The following CNTN6 variants were observed in gnomAD, a reference collection of about 807,000 sequenced individuals.
The protein encoded by CNTN6 is contactin 6.
In CNTN6, 137 loss-of-function variants were observed where a neutral mutation model predicts 122.8. The observed-to-expected ratio is 1.12, with a 90% CI of 0.97 to 1.29. The LOEUF is 1.29. CNTN6 is among the 50% of genes most tolerant of loss of function. The pLI, the probability that CNTN6 is intolerant of heterozygous loss-of-function variation, is 0.00. For synonymous variants in CNTN6, 570 were observed against 426.0 expected, an observed-to-expected ratio of 1.34 and a Z score of -4.16; for missense variants, 1,634 against 1,223.4, an observed-to-expected ratio of 1.34 and a Z score of -5.01.
chr3:1,401,357 C>A, intron 20 of CNTN6, 76 bp from the exon 21 acceptor site: 5 of 1,146,826 alleles, frequency 4.4e-6, no homozygotes, highest in South Asian at 4.2e-5. Context: ...CTTATTTTTT[C>A]TTTTCATGTT....
intron 4 of CNTN6, among the ~76,000 whole-genome samples, chr3:1,258,807 C>G (rs965149827): frequency 2.2e-4 from 34 of 152,070 alleles, no homozygotes; most frequent in African/African-American, 8.2e-4. Context: ...ATTTTCTTTT[C>G]TCAGATGCAC....
At chr3:1,392,386 A>T (rs1694294738) in intron 20 of CNTN6, among the ~76,000 whole-genome samples, 1 of 152,166 alleles carries the variant, frequency 6.6e-6, no homozygotes, top group South Asian at 2.1e-4. Context: ...CCTTCCTTAC[A>T]CCTTATACAA....
At chr3:1,174,818 A>G (rs1559456215) in intron 2 of CNTN6, among the ~76,000 whole-genome samples, 2 of 152,198 alleles carry the variant, frequency 1.3e-5, no homozygotes, top group Non-Finnish European at 2.9e-5. Context: ...AACAAAGCTG[A>G]CATTGCCCCA....
chr3:1,265,710 C>T (rs1031922030), intron 4 of CNTN6, among the ~76,000 whole-genome samples: 5 of 152,162 alleles, frequency 3.3e-5, no homozygotes, highest in African/African-American at 7.2e-5. Context: ...CAAATGCAGT[C>T]AGACCACTTT....
At chr3:1,199,565 G>A (rs2093830244) in intron 2 of CNTN6, among the ~76,000 whole-genome samples, 1 of 151,944 alleles carries the variant, frequency 6.6e-6, no homozygotes, top group Non-Finnish European at 1.5e-5. Context: ...TTTTTAAATG[G>A]CTATTTGAAA....
chr3:1,157,508 C>T (rs183188175), intron 2 of CNTN6, among the ~76,000 whole-genome samples: 16 of 152,278 alleles, frequency 1.1e-4, no homozygotes, highest in Admixed American at 5.9e-4. Flanking sequence ...TAAGCCACCA[C>T]GCCTGGCCCT....
chr3:1,368,635 G>C (rs1305404070), intron 12 of CNTN6, among the ~76,000 whole-genome samples: 1 of 151,986 alleles, frequency 6.6e-6, no homozygotes, highest in Non-Finnish European at 1.5e-5. Flanking sequence ...AAATTCTGTT[G>C]ATCTAGTAAA....
At chr3:1,194,000 C>A (rs554044898) in intron 2 of CNTN6, among the ~76,000 whole-genome samples, 9 of 152,016 alleles carry the variant, frequency 5.9e-5, no homozygotes, top group Admixed American at 2.6e-4. Context: ...ATGTGTTATC[C>A]TTATGCAGGC....
At chr3:1,400,802 T>TAC (rs1560048340) in intron 20 of CNTN6, among the ~76,000 whole-genome samples, 1 of 152,062 alleles carries the variant, frequency 6.6e-6, no homozygotes, top group African/African-American at 2.4e-5. Context: ...GACAAAGAGG[T>TAC]ACTCTCTGGC....
intron 4 of CNTN6, among the ~76,000 whole-genome samples, chr3:1,235,421 C>A (rs1329800508): frequency 6.6e-6 from 1 of 151,040 alleles, no homozygotes; most frequent in Admixed American, 6.6e-5. Flanking sequence ...ATTAAAGGAT[C>A]AAATATTTCT....
intron 1 of CNTN6, among the ~76,000 whole-genome samples, chr3:1,098,956 T>A (rs2090704334): frequency 6.6e-6 from 1 of 150,858 alleles, no homozygotes; most frequent in African/African-American, 2.4e-5. Flanking sequence ...ATACAATATA[T>A]AATAAGGGCC....
At position 1,403,400 on chromosome 3, in the gene CNTN6, T is replaced by C. The variant is rs1215321617; in HGVS notation, c.3069T>C (p.Ala1023=). The C allele has an allele frequency of 2.5e-6, 4 of 1,608,178 alleles. No homozygotes were observed. The highest frequency in any genetic ancestry group is 2.6e-6 in the Non-Finnish European group (3 of 1,175,774). The change falls in exon 23 of 23, where the codon GCT becomes GCC. Residue 1023 remains alanine (A), a synonymous_variant. Coordinates refer to ENST00000446702, the MANE Select transcript of CNTN6 (RefSeq NM_001289080.2). ...SIVIVIFHCF[A]IQPLI ...TCATTGTGATTTTTCACTGTTTTGC[T>C]ATTCAGCCACTTATCTGATGAATAA...
chr3:1,208,699 A>G (rs13098183), intron 2 of CNTN6, among the ~76,000 whole-genome samples: 63,445 of 151,888 alleles, frequency 0.42, 13,707 homozygotes, highest in African/African-American at 0.53. Flanking sequence ...TTGATATTGA[A>G]CAAGTTATTT....
intron 2 of CNTN6, among the ~76,000 whole-genome samples, chr3:1,188,925 A>G (rs2093663976): frequency 6.6e-6 from 1 of 152,204 alleles, no homozygotes. Flanking sequence ...TTATCCGTCT[A>G]GCCTAGGCTT....
chr3:1,228,553 A>G (rs997962817), intron 4 of CNTN6, among the ~76,000 whole-genome samples: 3 of 152,236 alleles, frequency 2.0e-5, no homozygotes, highest in Non-Finnish European at 4.4e-5. Context: ...CAGATGAACA[A>G]TAGACATACT....
chr3:1,225,042 C>T (rs2094262171), intron 3 of CNTN6, among the ~76,000 whole-genome samples: 1 of 152,174 alleles, frequency 6.6e-6, no homozygotes, highest in Non-Finnish European at 1.5e-5. Context: ...ACCACCGCAC[C>T]TAGCCCAGCC....
intron 2 of CNTN6, among the ~76,000 whole-genome samples, chr3:1,183,797 G>C (rs1458418788): frequency 6.6e-6 from 1 of 152,044 alleles, no homozygotes; most frequent in Non-Finnish European, 1.5e-5. Flanking sequence ...CAGTAGTCTG[G>C]GCACAGCTCA....
chr3:1,319,999 G>A (rs1410278692), intron 7 of CNTN6, among the ~76,000 whole-genome samples: 1 of 151,514 alleles, frequency 6.6e-6, no homozygotes, highest in Non-Finnish European at 1.5e-5. Context: ...GAATATCTAT[G>A]TGAATAAAGT....
In CNTN6 at chr3:1,403,667, G is replaced by A; in HGVS notation, c.*249G>A. 3.6e-6 allele frequency: 1 copy of A among 274,806 alleles called. No homozygotes were observed. The highest frequency in any genetic ancestry group is 6.7e-6 in the Non-Finnish European group (1 of 149,002). The allele number at this position is 274,806 out of a possible 1,614,324, so 17.0% of individuals were successfully genotyped here. ...CACATTAACCTGGGGAGTTGTAACT[G>A]CTGTGTCTTTTAAGTTACTTATATG... On this transcript the variant is annotated 3_prime_UTR_variant, in exon 23 of 23. Transcript: ENST00000446702.
Sources: gnomAD v4.1 joint callset for allele counts (sites outside exome capture counted in the v4.1 genomes callset) on GRCh38, gnomAD v4.1.1 for gene constraint, MANE v1.5 for transcripts, NCBI Gene and HGNC (gene_info 2026-07-23, HGNC 2026-07-21) for gene names.